The following EFTUD2 variants were observed in gnomAD, a reference collection of about 807,000 sequenced individuals.
EFTUD2 encodes the protein elongation factor Tu GTP binding domain containing 2.
In EFTUD2, 9 loss-of-function variants were observed where a neutral mutation model predicts 114.3. That is an observed-to-expected ratio of 0.08 (90% CI 0.05 to 0.14). EFTUD2 has a LOEUF of 0.14. Ranked by LOEUF, EFTUD2 falls within the 10% of genes least tolerant of loss-of-function variation. The pLI, the probability that EFTUD2 is intolerant of heterozygous loss-of-function variation, is 1.00. For missense variants in EFTUD2, 765 were observed against 1,241.2 expected, an observed-to-expected ratio of 0.62 and a Z score of 5.76; for synonymous variants, 449 against 462.3, an observed-to-expected ratio of 0.97 and a Z score of 0.37.
intron 16 of EFTUD2, among the ~76,000 whole-genome samples, chr17:44,861,624 T>C (rs1045578742): frequency 4.0e-5 from 6 of 151,860 alleles, no homozygotes; most frequent in African/African-American, 1.5e-4. Flanking sequence ...TCCCAGCTAC[T>C]TGGGAGGCTG....
At chr17:44,886,872 A>G in intron 2 of EFTUD2, 122 bp from the exon 3 acceptor site, 2 of 1,464,762 alleles carry the variant, frequency 1.4e-6, no homozygotes, top group Non-Finnish European at 9.1e-7. Context: ...TCTGAGTTCT[A>G]TGCCAGTGGG....
intron 11 of EFTUD2, among the ~76,000 whole-genome samples, chr17:44,869,985 G>A (rs888454543): frequency 6.6e-6 from 1 of 152,208 alleles, no homozygotes; most frequent in African/African-American, 2.4e-5. Context: ...TGGTAGTAAG[G>A]TGTAAATGGA....
chr17:44,874,429 T>G (rs910287454), intron 10 of EFTUD2, among the ~76,000 whole-genome samples: 1 of 152,196 alleles, frequency 6.6e-6, no homozygotes, highest in Non-Finnish European at 1.5e-5. Context: ...CTTGCAGAGA[T>G]GGGGTGAAGA....
rs2145473721 is a variant in EFTUD2 at position 44,863,681 on chromosome 17, C to T, written c.1387G>A (p.Glu463Lys). 1.2e-6 allele frequency: 2 copies of T among 1,614,106 alleles called. No homozygotes were observed. Among genetic ancestry groups the T allele is most frequent in the Middle Eastern group, 1.7e-4 (1 of 6,060 alleles). The change falls in exon 15 of 28, where the codon GAG becomes AAG. Residue 463 changes from glutamate to lysine, a missense_variant. Coordinates refer to ENST00000426333, the MANE Select transcript of EFTUD2 (RefSeq NM_004247.4). ...YTGGVDSDLG[E>K]AMSDCDPDGP... Reference sequence around the variant, plus strand: ...TCAGGGTCACAGTCACTCATAGCCTCGCCGAGGTCGGAGTCCACACCACCG... The same window carrying T: ...TCAGGGTCACAGTCACTCATAGCCTTGCCGAGGTCGGAGTCCACACCACCG...
chr17:44,883,612 G>A, intron 5 of EFTUD2, 37 bp downstream of exon 5: 1 of 1,591,140 alleles, frequency 6.3e-7, no homozygotes, highest in Non-Finnish European at 8.6e-7. Flanking sequence ...GTACAAAAGA[G>A]AAATCCTGTT....
At chr17:44,861,828 T>C (rs950002164) in intron 16 of EFTUD2, among the ~76,000 whole-genome samples, 2 of 152,136 alleles carry the variant, frequency 1.3e-5, no homozygotes, top group African/African-American at 2.4e-5. Context: ...GGGACCACCA[T>C]TGAGGCAGGG....
rs373601031 is a variant in EFTUD2 at position 44,851,806 on chromosome 17, A to G, written c.2727T>C (p.Gly909=). 1.2e-6 allele frequency: 2 copies of G among 1,609,466 alleles called. No individual in the cohort carries two copies. Among genetic ancestry groups the G allele is most frequent in the Non-Finnish European group, 1.7e-6 (2 of 1,178,230 alleles). ...SVFHHWQIVP[G]DPLDKSIVIR... is the part of the protein sequence containing the mutation. ...TGACAATGCTCTTGTCCAGGGGATC[A>G]CCAGGCACAATCTAAAAGGCAAAGG... The change falls in exon 27 of 28, where the codon GGT becomes GGC. Residue 909 remains glycine, a synonymous_variant. Transcript: ENST00000426333.
chr17:44,856,681 T>C (rs2050560372), intron 20 of EFTUD2, among the ~76,000 whole-genome samples: 1 of 149,452 alleles, frequency 6.7e-6, no homozygotes, highest in African/African-American at 2.5e-5. Flanking sequence ...ACAGATGGCC[T>C]GGTGTGTGCC....
At chr17:44,884,798 C>T (rs9915066) in intron 4 of EFTUD2, among the ~76,000 whole-genome samples, 18,689 of 151,772 alleles carry the variant, frequency 0.12, 1,230 homozygotes, top group East Asian at 0.25. Flanking sequence ...GAGGCAGACA[C>T]ATCTATTGAG....
At chr17:44,897,210 C>T (rs1463395632) in intron 1 of EFTUD2, among the ~76,000 whole-genome samples, 32 of 115,948 alleles carry the variant, frequency 2.8e-4, no homozygotes, top group African/African-American at 8.1e-4. Flanking sequence ...AGAGAGACTC[C>T]GTCTCAAAAA....
chr17:44,850,111 C>A lies in EFTUD2; in HGVS notation c.*1163G>T, dbSNP rs1300680295. On this transcript the variant is annotated 3_prime_UTR_variant, in exon 28 of 28. Coordinates refer to ENST00000426333, the MANE Select transcript of EFTUD2 (RefSeq NM_004247.4). The stretch of plus-strand genomic sequence containing the variant: ...AGGCTGCTGTGAGGTTTCTCAGATA[C>A]ACAATACATGTGAAAGTGTTTCGTG... The A allele has an allele frequency of 4.1e-6, 2 of 484,566 alleles. No individual in the cohort carries two copies. Among genetic ancestry groups the A allele is most frequent in the Non-Finnish European group, 7.5e-6 (2 of 265,920 alleles). 30.0% of individuals were successfully genotyped at this position (484,566 alleles called of 1,614,324 possible). A position where few individuals can be genotyped will look rare whatever the true frequency, so the allele number is the denominator to read the frequency against.
intron 18 of EFTUD2, 79 bp downstream of exon 18, chr17:44,859,826 G>GGATGGGAAGC: frequency 1.3e-6 from 2 of 1,599,168 alleles, no homozygotes; most frequent in Non-Finnish European, 1.7e-6. Context: ...AACACCTGAT[G>GGATGGGAAGC]GATGGGAAGC....
chr17:44,873,921 A>G (rs1011077366), intron 10 of EFTUD2, among the ~76,000 whole-genome samples: 8 of 148,418 alleles, frequency 5.4e-5, no homozygotes, highest in Non-Finnish European at 1.2e-4. Context: ...TTTTTAGTAG[A>G]GATGGGGTTT....
At chr17:44,898,762 TAC>T (rs2051450287) in intron 1 of EFTUD2, among the ~76,000 whole-genome samples, 1 of 152,252 alleles carries the variant, frequency 6.6e-6, no homozygotes, top group African/African-American at 2.4e-5. Flanking sequence ...ACAAATGTTA[TAC>T]ATTTATCACT....
chr17:44,860,378 T>C (rs2050633878), intron 17 of EFTUD2, 54 bp downstream of exon 17: 4 of 1,233,474 alleles, frequency 3.2e-6, no homozygotes, highest in African/African-American at 3.0e-5. Context: ...CTCATGTGTG[T>C]CCCTGGGACC....
At chr17:44,862,516 C>A (rs1040774105) in intron 16 of EFTUD2, among the ~76,000 whole-genome samples, 197 bp downstream of exon 16, 1 of 152,228 alleles carries the variant, frequency 6.6e-6, no homozygotes, top group Non-Finnish European at 1.5e-5. Flanking sequence ...ACTGTTCCAA[C>A]AGTAGCTGCC....
intron 4 of EFTUD2, 118 bp downstream of exon 4, chr17:44,885,138 T>C (rs1597821883): frequency 2.7e-6 from 2 of 734,542 alleles, no homozygotes; most frequent in East Asian, 5.1e-5. Flanking sequence ...AAGGAGAATT[T>C]GAGAGCTATG....
In EFTUD2 at chr17:44,862,844, G is replaced by A; in HGVS notation, c.1476C>T (p.Ala492=). 2 of 1,614,204 alleles carry A rather than the reference G, an allele frequency of 1.2e-6. No individual in the cohort carries two copies. The highest frequency in any genetic ancestry group is 3.3e-5 in the Admixed American group (2 of 60,026). ...YSTDDGVQFH[A]FGRVLSGTIH... ...TGGTGCCACTCAGCACCCGGCCAAA[G>A]GCGTGAAACTGGACTCCATCATCTG... is the stretch of plus-strand genomic sequence containing the variant. Residue 492 remains alanine, a synonymous_variant, in exon 16 of 28, where the codon GCC becomes GCT. Coordinates refer to ENST00000426333, the MANE Select transcript of EFTUD2 (RefSeq NM_004247.4).
chr17:44,859,027 C>T (rs2050608011), intron 19 of EFTUD2, 53 bp downstream of exon 19: 12 of 1,178,566 alleles, frequency 1.0e-5, no homozygotes, highest in Non-Finnish European at 1.4e-5. Flanking sequence ...AGGATTTGGT[C>T]ACTTGTGAAA....
Sources: allele counts gnomAD v4.1 joint callset (sites outside exome capture counted in the v4.1 genomes callset), GRCh38; gene constraint gnomAD v4.1.1; transcripts MANE v1.5; gene names NCBI Gene and HGNC (gene_info 2026-07-23, HGNC 2026-07-21).